Variants in ENTREP1 observed in about 807,000 individuals in gnomAD.
ENTREP1 encodes endosomal transmembrane epsin interactor 1, also known as Friedreich ataxia region gene X123.
the ENTREP1 span, among the ~76,000 whole-genome samples, chr9:69,340,141 C>G: frequency 6.6e-6 from 1 of 152,162 alleles, no homozygotes; most frequent in Admixed American, 6.5e-5. Context: ...CTCTCACTTG[C>G]TTTTGTTCTC....
chr9:69,340,614 T>TGC, the ENTREP1 span, among the ~76,000 whole-genome samples: 1 of 69,054 alleles, frequency 1.4e-5, no homozygotes, highest in Non-Finnish European at 2.9e-5. Context: ...TGTGTGTGCA[T>TGC]GTGTGTGTGC....
the ENTREP1 span, chr9:69,383,234 T>C: frequency 2.8e-6 from 2 of 703,260 alleles, no homozygotes; most frequent in Non-Finnish European, 3.5e-6. Context: ...GCATTCACAT[T>C]ATTTCGTAAC....
At chr9:69,391,735 G>C in the ENTREP1 span, 1 of 1,614,034 alleles carries the variant, frequency 6.2e-7, no homozygotes, top group South Asian at 1.1e-5. Flanking sequence ...GAGCCGAGAG[G>C]AGGCCCCGGC....
the ENTREP1 span, chr9:69,336,363 T>C: frequency 1.4e-6 from 1 of 713,906 alleles, no homozygotes; most frequent in Non-Finnish European, 2.4e-6. Context: ...TTAAGCTTCC[T>C]TGTTCATTAA....
chr9:69,325,278 CCGCACCCG>C, the ENTREP1 span: 2 of 34,342 alleles, frequency 5.8e-5, no homozygotes, highest in African/African-American at 4.5e-3. Context: ...CCGCAGCCGG[CCGCACCCG>C]GCCGCACCCT....
chr9:69,335,868 T>TGACGTGCGCCTGTAGTCCTG, the ENTREP1 span, among the ~76,000 whole-genome samples: 5 of 152,198 alleles, frequency 3.3e-5, no homozygotes, highest in South Asian at 4.1e-4. Flanking sequence ...CCTGTAGTCC[T>TGACGTGCGCCTGTAGTCCTG]AGCTACTGGA....
At chr9:69,367,862 C>CAT in the ENTREP1 span, among the ~76,000 whole-genome samples, 2 of 76,260 alleles carry the variant, frequency 2.6e-5, no homozygotes, top group African/African-American at 4.6e-5. Flanking sequence ...TATATACACA[C>CAT]ATATATATAA....
At chr9:69,372,229 A>G in the ENTREP1 span, among the ~76,000 whole-genome samples, 3 of 152,298 alleles carry the variant, frequency 2.0e-5, no homozygotes, top group African/African-American at 7.2e-5. Context: ...CATCTTAACC[A>G]TTTTTAAGTC....
At chr9:69,336,490 C>T in the ENTREP1 span, among the ~76,000 whole-genome samples, 2 of 152,072 alleles carry the variant, frequency 1.3e-5, no homozygotes, top group African/African-American at 4.8e-5. Flanking sequence ...CAGTGCTATA[C>T]AAGTGTCTTT....
chr9:69,335,062 G>A, the ENTREP1 span, among the ~76,000 whole-genome samples: 3 of 151,988 alleles, frequency 2.0e-5, no homozygotes, highest in Non-Finnish European at 4.4e-5. Context: ...CGCCCAGCCT[G>A]TTTTTTCTTA....
chr9:69,363,608 A>G, the ENTREP1 span, among the ~76,000 whole-genome samples: 1 of 152,158 alleles, frequency 6.6e-6, no homozygotes. Context: ...AGTCAGAGTC[A>G]TGTACAGAGG....
At chr9:69,372,876 A>T in the ENTREP1 span, among the ~76,000 whole-genome samples, 1 of 151,784 alleles carries the variant, frequency 6.6e-6, no homozygotes, top group Non-Finnish European at 1.5e-5. Context: ...GGCCATTCTA[A>T]TGGGTATAAG....
At chr9:69,337,159 T>C in the ENTREP1 span, among the ~76,000 whole-genome samples, 1 of 151,832 alleles carries the variant, frequency 6.6e-6, no homozygotes, top group South Asian at 2.1e-4. Flanking sequence ...AGATTACAGG[T>C]GTGCACCAAC....
the ENTREP1 span, among the ~76,000 whole-genome samples, chr9:69,378,662 G>A: frequency 6.6e-6 from 1 of 151,928 alleles, no homozygotes; most frequent in African/African-American, 2.4e-5. Context: ...GGGAGGCTGA[G>A]GCAGGAGAAT....
chr9:69,383,676 C>T, the ENTREP1 span: 5 of 1,614,012 alleles, frequency 3.1e-6, no homozygotes, highest in Non-Finnish European at 4.2e-6. Context: ...CTACGGAGCT[C>T]GAATCAAAGG....
At chr9:69,383,435 A>G in the ENTREP1 span, 221 of 1,449,138 alleles carry the variant, frequency 1.5e-4, no homozygotes, top group Middle Eastern at 2.6e-4. Context: ...ATACACTGTC[A>G]TTTGCTTAAG....
At chr9:69,376,903 A>G in the ENTREP1 span, among the ~76,000 whole-genome samples, 1 of 152,146 alleles carries the variant, frequency 6.6e-6, no homozygotes, top group South Asian at 2.1e-4. Context: ...CGTCGTGTGC[A>G]TGGGGCAGCA....
chr9:69,325,243 G>A, the ENTREP1 span: 1,042 of 1,084,924 alleles, frequency 9.6e-4, 1 homozygote, highest in Non-Finnish European at 1.1e-3. Flanking sequence ...CCTTCGGCTC[G>A]GCTCCGCTCC....
chr9:69,360,584 G>GT, the ENTREP1 span, among the ~76,000 whole-genome samples: 8 of 152,090 alleles, frequency 5.3e-5, no homozygotes, highest in Non-Finnish European at 8.8e-5. Flanking sequence ...TCCTCTTACT[G>GT]TTTAAGTCCC....
Sources: gnomAD v4.1 joint callset for allele counts (sites outside exome capture counted in the v4.1 genomes callset) on GRCh38, gnomAD v4.1.1 for gene constraint, MANE v1.5 for transcripts, NCBI Gene and HGNC (gene_info 2026-07-23, HGNC 2026-07-21) for gene names.